Variants in CDKN2B-AS1 observed in about 807,000 individuals in gnomAD.
The protein encoded by CDKN2B-AS1 is CDKN2B and CDKN2A antisense cis and trans regulatory RNA 1.
chr9:22,056,929 T>G (rs898423726), intron 4 of CDKN2B-AS1, among the ~76,000 whole-genome samples: 11 of 152,184 alleles, frequency 7.2e-5, no homozygotes, highest in African/African-American at 2.7e-4. Context: ...CTTACCAGTC[T>G]TCCCCATCTT....
intron 4 of CDKN2B-AS1, among the ~76,000 whole-genome samples, chr9:22,084,883 C>T (rs1214524456): frequency 6.6e-6 from 1 of 152,160 alleles, no homozygotes; most frequent in East Asian, 1.9e-4. Flanking sequence ...CTGAGTCATA[C>T]AGCTGAAATT....
At chr9:22,046,845 C>G (rs1417998674) in exon 2 of CDKN2B-AS1, 1 of 152,074 alleles carries the variant, frequency 6.6e-6, no homozygotes, top group Non-Finnish European at 1.5e-5. Flanking sequence ...TATATGTTAT[C>G]TGTGCTTAAA....
chr9:22,083,019 T>C (rs1824750383), intron 4 of CDKN2B-AS1, among the ~76,000 whole-genome samples: 1 of 152,178 alleles, frequency 6.6e-6, no homozygotes, highest in South Asian at 2.1e-4. Flanking sequence ...GAAGAGGACA[T>C]GTAACATGAA....
intron 4 of CDKN2B-AS1, among the ~76,000 whole-genome samples, chr9:22,096,749 C>T (rs1489540893): frequency 6.6e-6 from 1 of 152,100 alleles, no homozygotes; most frequent in East Asian, 1.9e-4. Flanking sequence ...ATTAAAATGC[C>T]CTATGTTATT....
chr9:22,085,108 T>A (rs1361000852), intron 4 of CDKN2B-AS1, among the ~76,000 whole-genome samples: 1 of 152,128 alleles, frequency 6.6e-6, no homozygotes, highest in African/African-American at 2.4e-5. Flanking sequence ...CAATAAACTG[T>A]GGTTACTAAA....
At chr9:22,068,380 C>T (rs184250883) in intron 4 of CDKN2B-AS1, among the ~76,000 whole-genome samples, 6 of 151,948 alleles carry the variant, frequency 3.9e-5, no homozygotes, top group East Asian at 1.9e-4. Context: ...TCTAGGAGAT[C>T]GTGGGAAATA....
chr9:22,063,296 T>C (rs552732705), intron 4 of CDKN2B-AS1, among the ~76,000 whole-genome samples: 1 of 152,248 alleles, frequency 6.6e-6, no homozygotes, highest in African/African-American at 2.4e-5. Context: ...AGTTCAGTTT[T>C]GTGACACCAC....
At chr9:22,090,962 C>T (rs1426909022) in intron 4 of CDKN2B-AS1, among the ~76,000 whole-genome samples, 1 of 152,058 alleles carries the variant, frequency 6.6e-6, no homozygotes, top group Non-Finnish European at 1.5e-5. Context: ...GGTTTTAGGT[C>T]TAACATTTAA....
intron 3 of CDKN2B-AS1, among the ~76,000 whole-genome samples, chr9:22,054,300 T>G (rs1314816075): frequency 3.9e-5 from 6 of 152,236 alleles, no homozygotes; most frequent in Non-Finnish European, 7.3e-5. Context: ...GTGCATGCTC[T>G]TAGTCACTAC....
chr9:22,114,060 C>T (rs1034405521), intron 4 of CDKN2B-AS1, among the ~76,000 whole-genome samples: 2 of 152,110 alleles, frequency 1.3e-5, no homozygotes, highest in Non-Finnish European at 2.9e-5. Flanking sequence ...ATACATGGTA[C>T]CAAAAACAAT....
intron 1 of CDKN2B-AS1, among the ~76,000 whole-genome samples, chr9:22,010,543 C>T (rs1821446419): frequency 6.6e-6 from 1 of 152,044 alleles, no homozygotes; most frequent in South Asian, 2.1e-4. Context: ...GCTCTGACTC[C>T]TCATCCCCCA....
At chr9:22,027,153 C>T (rs1163993006) in intron 1 of CDKN2B-AS1, among the ~76,000 whole-genome samples, 2 of 148,994 alleles carry the variant, frequency 1.3e-5, no homozygotes, top group South Asian at 2.1e-4. Context: ...CCATCTTGGC[C>T]ACTCCTGCCC....
intron 1 of CDKN2B-AS1, among the ~76,000 whole-genome samples, chr9:22,018,572 G>A (rs900245481): frequency 4.6e-5 from 7 of 152,288 alleles, no homozygotes; most frequent in East Asian, 3.9e-4. Context: ...GAGGAGAATC[G>A]CTTGAACCTG....
At chr9:22,122,994 A>C in intron 4 of CDKN2B-AS1, among the ~76,000 whole-genome samples, 1 of 151,788 alleles carries the variant, frequency 6.6e-6, no homozygotes, top group African/African-American at 2.4e-5. Context: ...GGCAGCAGAT[A>C]TCTTTCCATT....
intron 4 of CDKN2B-AS1, among the ~76,000 whole-genome samples, chr9:22,083,867 T>C (rs750234830): frequency 2.0e-5 from 3 of 152,190 alleles, no homozygotes; most frequent in African/African-American, 7.2e-5. Flanking sequence ...GATTTAGATA[T>C]GGAGGACACT....
chr9:22,008,893 C>G (rs1821340088), intron 1 of CDKN2B-AS1: 1 of 1,612,696 alleles, frequency 6.2e-7, no homozygotes, highest in Non-Finnish European at 8.5e-7. Flanking sequence ...CGCGCCGCGG[C>G]GCTGGCCAGA....
intron 1 of CDKN2B-AS1, among the ~76,000 whole-genome samples, chr9:22,028,224 A>C (rs1390347843): frequency 2.0e-5 from 3 of 152,074 alleles, no homozygotes; most frequent in African/African-American, 4.8e-5. Flanking sequence ...ATATAAAAAT[A>C]TTTAAAATAT....
At chr9:22,035,833 G>A (rs1274288368) in intron 1 of CDKN2B-AS1, among the ~76,000 whole-genome samples, 1 of 152,110 alleles carries the variant, frequency 6.6e-6, no homozygotes, top group Non-Finnish European at 1.5e-5. Flanking sequence ...AAGAGGCCAT[G>A]ATCACATCTG....
chr9:22,009,902 C>T (rs924479515), intron 1 of CDKN2B-AS1, among the ~76,000 whole-genome samples: 2 of 152,082 alleles, frequency 1.3e-5, no homozygotes, highest in Non-Finnish European at 2.9e-5. Flanking sequence ...CTTTTTAATT[C>T]TTTCCATTTT....
Sources: allele counts gnomAD v4.1 joint callset (sites outside exome capture counted in the v4.1 genomes callset), GRCh38; gene constraint gnomAD v4.1.1; transcripts MANE v1.5; gene names NCBI Gene and HGNC (gene_info 2026-07-23, HGNC 2026-07-21).